Variants in AMD1 observed in about 807,000 individuals in gnomAD.
The protein encoded by AMD1 is S-adenosylmethionine decarboxylase proenzyme.
AMD1 carries 11 observed loss-of-function variants against 40.2 expected under a neutral mutation model. The observed-to-expected ratio is 0.27, with a 90% CI of 0.17 to 0.45. The LOEUF (loss-of-function observed/expected upper bound fraction) is 0.45. Ranked by LOEUF, AMD1 falls within the 20% of genes least tolerant of loss-of-function variation. The pLI, the probability that AMD1 is intolerant of heterozygous loss-of-function variation, is 1.00. For missense variants in AMD1, 257 were observed against 410.2 expected (o/e 0.63, Z 3.23); for synonymous variants, 121 against 130.8 (o/e 0.93, Z 0.51).
chr6:110,838,580 G>A, the AMD1 span, among the ~76,000 whole-genome samples: 2 of 151,296 alleles, frequency 1.3e-5, no homozygotes, highest in Admixed American at 6.6e-5. Context: ...ACTTTCCAGC[G>A]GGGAGCAGTG....
chr6:110,843,200 C>T, the AMD1 span, among the ~76,000 whole-genome samples: 4 of 151,584 alleles, frequency 2.6e-5, no homozygotes, highest in African/African-American at 7.3e-5. Context: ...TGGTGGTTCA[C>T]GCCTGAAATC....
In AMD1 at chr6:110,888,920, G is replaced by A. The variant is rs1284561715; in HGVS notation, c.261G>A (p.Leu87=). ...FILKTCGTTL[L]LKALVPLLKL... ...TGAAGACATGTGGTACCACCCTCTT[G>A]CTGAAAGCACTGGTTCCCCTGTTGA... Residue 87 remains leucine, a synonymous_variant, in exon 3 of 9, where the codon TTG becomes TTA. Transcript: ENST00000368885. The A allele has an allele frequency of 7.4e-6, 12 of 1,613,652 alleles. No homozygotes were observed. Among genetic ancestry groups the A allele is most frequent in the Non-Finnish European group, 1.0e-5 (12 of 1,179,954 alleles).
the AMD1 span, chr6:110,815,247 G>GCGCC: frequency 8.2e-7 from 1 of 1,214,888 alleles, no homozygotes; most frequent in Non-Finnish European, 1.0e-6. Flanking sequence ...CCTCTCGCGC[G>GCGCC]CGCGCGCGCG....
chr6:110,849,100 A>C, the AMD1 span, among the ~76,000 whole-genome samples: 1 of 152,308 alleles, frequency 6.6e-6, no homozygotes, highest in South Asian at 2.1e-4. Flanking sequence ...TTTGCATTCC[A>C]ATTTCATGTT....
upstream of AMD1, among the ~76,000 whole-genome samples, chr6:110,870,830 T>C (rs1784902577): frequency 6.6e-6 from 1 of 152,192 alleles, no homozygotes; most frequent in African/African-American, 2.4e-5. Flanking sequence ...AATGATCTCA[T>C]GGAACAGAGC....
chr6:110,835,168 G>A, the AMD1 span, among the ~76,000 whole-genome samples: 2 of 150,678 alleles, frequency 1.3e-5, no homozygotes, highest in Non-Finnish European at 3.0e-5. Flanking sequence ...ACAGGCGCCC[G>A]CCACCACGCC....
the AMD1 span, among the ~76,000 whole-genome samples, chr6:110,867,446 T>C: frequency 1.3e-5 from 2 of 152,140 alleles, no homozygotes; most frequent in South Asian, 4.2e-4. Context: ...GGGGGATCAC[T>C]TGAGGTCAGG....
intron 1 of AMD1, 23 bp from the exon 2 acceptor site, chr6:110,887,482 G>GT: frequency 1.3e-6 from 2 of 1,568,872 alleles, no homozygotes; most frequent in South Asian, 1.2e-5. Flanking sequence ...TGGATTAATC[G>GT]TAACTTTTTT....
At chr6:110,831,364 G>A in the AMD1 span, among the ~76,000 whole-genome samples, 2 of 151,814 alleles carry the variant, frequency 1.3e-5, no homozygotes, top group African/African-American at 2.4e-5. Context: ...GCTTGAACTC[G>A]GGAGGCAGAG....
chr6:110,820,240 C>CTTT, the AMD1 span, among the ~76,000 whole-genome samples: 3 of 141,964 alleles, frequency 2.1e-5, no homozygotes, highest in Non-Finnish European at 3.1e-5. Context: ...TTCTTTCTTT[C>CTTT]TTTTTTTTTT....
At chr6:110,856,707 T>C in the AMD1 span, among the ~76,000 whole-genome samples, 1 of 152,170 alleles carries the variant, frequency 6.6e-6, no homozygotes, top group Non-Finnish European at 1.5e-5. Context: ...AGACACCAAA[T>C]AGGCTGAAAT....
upstream of AMD1, among the ~76,000 whole-genome samples, chr6:110,874,565 A>G (rs1368801760): frequency 1.3e-5 from 2 of 152,078 alleles, no homozygotes; most frequent in African/African-American, 4.8e-5. Context: ...TGGACATCAC[A>G]GCACCAACTC....
the AMD1 span, among the ~76,000 whole-genome samples, chr6:110,835,072 G>A: frequency 2.1e-5 from 3 of 146,160 alleles, no homozygotes; most frequent in African/African-American, 7.6e-5. Context: ...AGGCTGGAGT[G>A]CAGTGGCACG....
chr6:110,880,662 A>T (rs1562335663), intron 1 of AMD1, among the ~76,000 whole-genome samples: 1 of 152,030 alleles, frequency 6.6e-6, no homozygotes, highest in Non-Finnish European at 1.5e-5. Flanking sequence ...AAGATAGTTG[A>T]GCTCAGTCAT....
chr6:110,878,735 A>T (rs1006063106), intron 1 of AMD1, among the ~76,000 whole-genome samples: 1 of 152,182 alleles, frequency 6.6e-6, no homozygotes, highest in Non-Finnish European at 1.5e-5. Context: ...GTAAGAAGGA[A>T]ATCTGTTAGA....
At chr6:110,889,336 T>C (rs1171186254) in intron 3 of AMD1, 2 of 162,660 alleles carry the variant, frequency 1.2e-5, no homozygotes, top group African/African-American at 2.4e-5. Context: ...AATGAAGAGT[T>C]AGGATGAAGA....
At chr6:110,875,761 G>C (rs969397596) in intron 1 of AMD1, 1 of 152,440 alleles carries the variant, frequency 6.6e-6, no homozygotes, top group Admixed American at 6.5e-5. Flanking sequence ...CTGGCGAAGA[G>C]GCCTCCCACC....
intron 4 of AMD1, among the ~76,000 whole-genome samples, chr6:110,890,573 C>A (rs964536327): frequency 1.3e-5 from 2 of 152,122 alleles, no homozygotes; most frequent in Non-Finnish European, 2.9e-5. Context: ...GCAGCCTCAA[C>A]ATCCCAGGCT....
chr6:110,827,501 ACGCCTGTAATGC>A, the AMD1 span, among the ~76,000 whole-genome samples: 1 of 152,078 alleles, frequency 6.6e-6, no homozygotes, highest in Non-Finnish European at 1.5e-5. Flanking sequence ...GTGGTGGCTC[ACGCCTGTAATGC>A]CAGCACTTTG....
Sources: allele counts gnomAD v4.1 joint callset (sites outside exome capture counted in the v4.1 genomes callset), GRCh38; gene constraint gnomAD v4.1.1; transcripts MANE v1.5; gene names NCBI Gene and HGNC (gene_info 2026-07-23, HGNC 2026-07-21).